RGPD1: variants seen among roughly 807,000 people sequenced by gnomAD.
RGPD1 encodes RANBP2-like and GRIP domain-containing protein 1.
Under a neutral mutation model 40.6 loss-of-function variants are expected in RGPD1, and 7 were observed. The observed-to-expected ratio is 0.17, with a 90% CI of 0.10 to 0.32. The LOEUF is 0.32. RGPD1 is among the 10% of genes least tolerant of loss of function. The pLI is 1.00. For missense variants in RGPD1, 50 were observed against 472.5 expected (o/e 0.11, Z 8.29); for synonymous variants, 24 against 167.0 (o/e 0.14, Z 6.60).
chr2:86,914,003 G>C (rs1290486924), intron 1 of RGPD1: 3 of 755,486 alleles, frequency 4.0e-6, no homozygotes, highest in African/African-American at 2.9e-5. Context: ...CGGCGGCCTC[G>C]GCCTCGGCCT....
At chr2:86,927,314 CTCATA>C (rs1356297766) in intron 1 of RGPD1, among the ~76,000 whole-genome samples, 1 of 148,182 alleles carries the variant, frequency 6.7e-6, no homozygotes, top group Non-Finnish European at 1.5e-5. Flanking sequence ...AATGTAAAAA[CTCATA>C]TCAGGTCTCA....
chr2:86,928,740 A>G (rs928480068), intron 1 of RGPD1, among the ~76,000 whole-genome samples: 1 of 152,208 alleles, frequency 6.6e-6, no homozygotes, highest in African/African-American at 2.4e-5. Flanking sequence ...GTAGACAGGC[A>G]CCATTCATGA....
rs533309212 is a variant in RGPD1 at position 86,914,283 on chromosome 2, GGGCGGCGGCGGC to G, written c.72+387_72+398del. 2.4e-3 allele frequency among the ~76,000 whole-genome samples: 25 copies of G among 10,226 alleles called. 1 individual carries two copies. Among genetic ancestry groups the G allele is most frequent in the African/African-American group, 0.016 (17 of 1,086 alleles). The allele number at this position is 10,226 out of a possible 152,430, so 6.7% of individuals were successfully genotyped here. Reference sequence around the variant, plus strand: ...CTCGGCCTCGGCCTTGGCCTCGGCCGGGCGGCGGCGGCGGCGGCGGCGGCGGCGGCGGCGGCC... The same window carrying G: ...CTCGGCCTCGGCCTTGGCCTCGGCCGGGCGGCGGCGGCGGCGGCGGCGGCC... On this transcript the variant is annotated intron_variant, in intron 1 of 22. Coordinates refer to the RGPD1 transcript ENST00000398193.
intron 1 of RGPD1, among the ~76,000 whole-genome samples, chr2:86,925,936 A>G (rs897969623): frequency 2.0e-5 from 3 of 152,192 alleles, no homozygotes; most frequent in Non-Finnish European, 4.4e-5. Context: ...AAAAAAATCC[A>G]TTTAGTGTAC....
At chr2:86,943,388 A>G (rs377737391) in intron 1 of RGPD1, among the ~76,000 whole-genome samples, 1 of 150,644 alleles carries the variant, frequency 6.6e-6, no homozygotes, top group Non-Finnish European at 1.5e-5. Context: ...CTTTTCCACA[A>G]ATGTTTTTAG....
chr2:86,942,896 G>A (rs990828994), intron 1 of RGPD1, among the ~76,000 whole-genome samples: 56 of 152,130 alleles, frequency 3.7e-4, no homozygotes, highest in South Asian at 2.1e-4. Flanking sequence ...TCTTTCTCCC[G>A]GTTTGTTCCC....
chr2:87,009,079 G>A (rs80144062), intron 22 of RGPD1, among the ~76,000 whole-genome samples: 2,416 of 145,084 alleles, frequency 0.017, 114 homozygotes, highest in African/African-American at 0.046. Flanking sequence ...GCCGAGGCGG[G>A]CAGATCGCAA....
rs576818719 is a variant in RGPD1 at position 86,913,822 on chromosome 2, G to A, written c.-28G>A. ...CTGCGGGGCTGAGCGCTGGTTTCAC[G>A]CGTCTCGGGAGCCAGGTTGGCGGTG... On this transcript the variant is annotated 5_prime_UTR_variant, in exon 1 of 23. Transcript: ENST00000398193. 1.0e-5 allele frequency: 16 copies of A among 1,552,666 alleles called. No homozygotes were observed. In the South Asian group the frequency reaches 1.2e-4, roughly 11 times the overall value.
At chr2:86,956,840 A>T (rs986539644) in intron 4 of RGPD1, among the ~76,000 whole-genome samples, 1 of 101,500 alleles carries the variant, frequency 9.9e-6, no homozygotes, top group Non-Finnish European at 1.8e-5. Context: ...CATGTGGTGG[A>T]GAAGTATATT....
chr2:86,944,449 G>A (rs1680181634), intron 1 of RGPD1, among the ~76,000 whole-genome samples: 1 of 151,690 alleles, frequency 6.6e-6, no homozygotes, highest in Non-Finnish European at 1.5e-5. Context: ...CTGTCACCCA[G>A]CTGGATGCAG....
chr2:86,943,201 CTTGTT>C (rs1197547315), intron 1 of RGPD1, among the ~76,000 whole-genome samples: 2 of 150,078 alleles, frequency 1.3e-5, no homozygotes, highest in Non-Finnish European at 3.0e-5. Context: ...GGGAAGTCCC[CTTGTT>C]TTGAGTATGA....
intron 1 of RGPD1, among the ~76,000 whole-genome samples, chr2:86,914,249 G>C (rs1163149690): frequency 9.8e-6 from 1 of 102,346 alleles, no homozygotes; most frequent in Non-Finnish European, 2.0e-5. Context: ...CGGCGGCGGC[G>C]GCGGCGGCCT....
rs868540663 is a variant in RGPD1 at position 86,914,884 on chromosome 2, G to C, written c.72+963G>C. Reference sequence around the variant, plus strand: ...CGGCGGCGGCGGCGGCGGCGGCGGCGGCCTCGACCTGGCCGGGCGGCGGCG... The same window carrying C: ...CGGCGGCGGCGGCGGCGGCGGCGGCCGCCTCGACCTGGCCGGGCGGCGGCG... On this transcript the variant is annotated intron_variant, in intron 1 of 22. Transcript: ENST00000398193. Among the ~76,000 whole-genome samples the C allele has an allele frequency of 2.2e-3, 51 of 23,476 alleles. 4 individuals carry two copies. The highest frequency in any genetic ancestry group is 0.011 in the African/African-American group (41 of 3,644). 15.4% of individuals were successfully genotyped at this position (23,476 alleles called of 152,430 possible). A position where few individuals can be genotyped will look rare whatever the true frequency, so the allele number is the denominator to read the frequency against.
At chr2:86,926,874 CTTCA>C (rs1283215540) in intron 1 of RGPD1, among the ~76,000 whole-genome samples, 2 of 151,764 alleles carry the variant, frequency 1.3e-5, no homozygotes, top group African/African-American at 4.8e-5. Context: ...TATCTTCACT[CTTCA>C]TTAAGTTTGC....
intron 20 of RGPD1, among the ~76,000 whole-genome samples, chr2:86,988,268 AC>A (rs1223045735): frequency 2.2e-5 from 3 of 133,562 alleles, no homozygotes; most frequent in Non-Finnish European, 4.8e-5. Flanking sequence ...ACGTGGTGAA[AC>A]CCTGTTTCTA....
chr2:86,939,141 C>T (rs1391810970), upstream of RGPD1, among the ~76,000 whole-genome samples: 3 of 104,000 alleles, frequency 2.9e-5, no homozygotes, highest in Admixed American at 1.0e-4. Context: ...ATGGAATTTT[C>T]AGTGCCATGG....
chr2:86,944,907 C>G (rs944453180), intron 1 of RGPD1, among the ~76,000 whole-genome samples: 1 of 151,830 alleles, frequency 6.6e-6, no homozygotes, highest in Non-Finnish European at 1.5e-5. Flanking sequence ...AATGTAGAGA[C>G]GGGGTCTTAC....
chr2:86,956,384 A>AG (rs1573624576), intron 4 of RGPD1, among the ~76,000 whole-genome samples: 1 of 91,436 alleles, frequency 1.1e-5, no homozygotes, highest in East Asian at 3.1e-4. Flanking sequence ...GACGAGTTTA[A>AG]GTAGGTAAGG....
chr2:86,945,484 C>A (rs1680281946), intron 1 of RGPD1, among the ~76,000 whole-genome samples: 2 of 152,200 alleles, frequency 1.3e-5, no homozygotes, highest in Admixed American at 1.3e-4. Flanking sequence ...CATCTGTGAA[C>A]TGCCCATGCT....
Sources: allele counts gnomAD v4.1 joint callset (sites outside exome capture counted in the v4.1 genomes callset), GRCh38; gene constraint gnomAD v4.1.1; transcripts MANE v1.5; gene names NCBI Gene and HGNC (gene_info 2026-07-23, HGNC 2026-07-21).